Variants in TGM6 observed in about 807,000 individuals in gnomAD.
TGM6 encodes transglutaminase 6.
A neutral mutation model predicts 77.5 loss-of-function variants in TGM6; 74 were observed. The ratio of observed to expected loss-of-function variants is 0.96; its 90% CI spans 0.79 to 1.16. TGM6 has a LOEUF of 1.16. Among genes scored for constraint, TGM6 ranks in the 50% most tolerant of loss-of-function variants. The pLI is 0.00. For synonymous variants in TGM6, 383 were observed against 378.9 expected (o/e 1.01, Z -0.12); for missense variants, 968 against 940.2 (o/e 1.03, Z -0.39).
At chr20:2,397,191 T>C (rs1229504448) in intron 4 of TGM6, among the ~76,000 whole-genome samples, 1 of 152,210 alleles carries the variant, frequency 6.6e-6, no homozygotes, top group Non-Finnish European at 1.5e-5. Context: ...GCTTACGTGA[T>C]ATTGTAGTTG....
intron 1 of TGM6, among the ~76,000 whole-genome samples, chr20:2,386,097 T>C (rs1023980336): frequency 6.6e-6 from 1 of 152,142 alleles, no homozygotes; most frequent in African/African-American, 2.4e-5. Context: ...TCTCCTCGCC[T>C]TGGGCTGCCG....
intron 9 of TGM6, among the ~76,000 whole-genome samples, chr20:2,406,831 C>CAAAAA (rs3050731): frequency 0.014 from 891 of 63,632 alleles, 109 homozygotes; most frequent in Non-Finnish European, 0.02. Context: ...CGAAACTCCT[C>CAAAAA]AAAAAAAAAA....
At chr20:2,419,428 A>G (rs2084841648) in intron 10 of TGM6, among the ~76,000 whole-genome samples, 1 of 152,222 alleles carries the variant, frequency 6.6e-6, no homozygotes, top group African/African-American at 2.4e-5. Context: ...CAAAGTCTAA[A>G]TCACAAAATA....
chr20:2,431,672 G>A (rs2084924848), intron 12 of TGM6, among the ~76,000 whole-genome samples: 1 of 152,224 alleles, frequency 6.6e-6, no homozygotes, highest in East Asian at 1.9e-4. Flanking sequence ...TCTTGTCCAA[G>A]GTCTGGGGGA....
chr20:2,394,706 G>A, intron 2 of TGM6, 81 bp downstream of exon 2: 2 of 1,460,126 alleles, frequency 1.4e-6, no homozygotes, highest in Admixed American at 2.0e-5. Flanking sequence ...AGACCTTGCA[G>A]TCAGCAGCTC....
intron 1 of TGM6, among the ~76,000 whole-genome samples, chr20:2,386,817 A>T (rs1446869716): frequency 1.3e-5 from 2 of 152,084 alleles, no homozygotes; most frequent in Non-Finnish European, 2.9e-5. Context: ...GAAGGGGGGA[A>T]ACCAGTGCAG....
At chr20:2,384,136 C>T (rs1426114500) in intron 1 of TGM6, among the ~76,000 whole-genome samples, 1 of 150,096 alleles carries the variant, frequency 6.7e-6, no homozygotes, top group African/African-American at 2.5e-5. Flanking sequence ...AATCCCTGTT[C>T]GTAGAGCTCA....
chr20:2,399,932 G>T (rs1395071874), intron 6 of TGM6, among the ~76,000 whole-genome samples, 194 bp downstream of exon 6: 1 of 152,186 alleles, frequency 6.6e-6, no homozygotes, highest in African/African-American at 2.4e-5. Flanking sequence ...TCTTGAAGGA[G>T]TCCTAGCTCC....
At chr20:2,385,538 G>T (rs2084588782) in intron 1 of TGM6, among the ~76,000 whole-genome samples, 1 of 152,150 alleles carries the variant, frequency 6.6e-6, no homozygotes, top group African/African-American at 2.4e-5. Context: ...GGGAGTGGGT[G>T]GTCAGTGGCC....
In TGM6 at chr20:2,403,418, G is replaced by C. The variant is rs142832802; in HGVS notation, c.1011G>C (p.Glu337Asp). ...DSMWNFHVWNESWFARQDLGP... is the reference protein window; with the variant it reads ...DSMWNFHVWNDSWFARQDLGP... ...GCAGGAATTTCCATGTCTGGAATGAGAGCTGGTTTGCCCGGCAGGACCTAG... is the reference window on the plus strand; with the variant it reads ...GCAGGAATTTCCATGTCTGGAATGACAGCTGGTTTGCCCGGCAGGACCTAG... The change falls in exon 8 of 13, where the codon GAG (glutamate) becomes GAC (aspartate). Residue 337 changes from glutamate to aspartate, a missense_variant. Transcript: ENST00000202625. 4 of 1,614,172 alleles carry C rather than the reference G, an allele frequency of 2.5e-6. No homozygotes were observed. Among genetic ancestry groups the C allele is most frequent in the Admixed American group, 1.7e-5 (1 of 60,028 alleles).
intron 1 of TGM6, among the ~76,000 whole-genome samples, chr20:2,382,466 A>G (rs563670595): frequency 7.2e-5 from 11 of 152,336 alleles, no homozygotes; most frequent in African/African-American, 2.6e-4. Flanking sequence ...TGCGAAGGTT[A>G]GTTTCTGAGG....
chr20:2,418,406 A>G (rs2084833250), intron 10 of TGM6, among the ~76,000 whole-genome samples: 1 of 152,230 alleles, frequency 6.6e-6, no homozygotes, highest in African/African-American at 2.4e-5. Context: ...TGCTAGCTCC[A>G]TCTTTGAAAG....
chr20:2,392,505 C>T (rs758463465), intron 1 of TGM6, among the ~76,000 whole-genome samples: 14 of 152,178 alleles, frequency 9.2e-5, no homozygotes, highest in Non-Finnish European at 1.8e-4. Context: ...TAATAAGTAA[C>T]GATGATTGAG....
At chr20:2,413,023 C>T (rs2122397690) in intron 9 of TGM6, among the ~76,000 whole-genome samples, 1 of 152,256 alleles carries the variant, frequency 6.6e-6, no homozygotes, top group South Asian at 2.1e-4. Flanking sequence ...AAATTAGCAA[C>T]CTGATCATAA....
chr20:2,424,587 C>G (rs2084876092), intron 10 of TGM6, among the ~76,000 whole-genome samples: 1 of 152,194 alleles, frequency 6.6e-6, no homozygotes, highest in African/African-American at 2.4e-5. Context: ...CTAAAACTTT[C>G]TCCATATTAG....
chr20:2,404,242 T>A (rs1429840298), intron 9 of TGM6, among the ~76,000 whole-genome samples: 1 of 152,200 alleles, frequency 6.6e-6, no homozygotes, highest in Non-Finnish European at 1.5e-5. Context: ...CTGTTTAGCA[T>A]CTGCCAGGGC....
At position 2,396,575 on chromosome 20, in the gene TGM6, TC is replaced by T; in HGVS notation, c.496del (p.Arg166GlufsTer22). ...EYVLSDSGII[F>X]RGVEKHIRAQ... ...GTGCTCAGCGACAGCGGCATCATCTTCCGAGGCGTGGAGAAGCACATACGAG... is the reference window on the plus strand; with the variant it reads ...GTGCTCAGCGACAGCGGCATCATCTTCGAGGCGTGGAGAAGCACATACGAG... On this transcript the variant is annotated frameshift_variant, in exon 4 of 13. Coordinates refer to ENST00000202625, the MANE Select transcript of TGM6 (RefSeq NM_198994.3). LOFTEE classifies it high-confidence loss of function. 5.6e-6 allele frequency: 9 copies of T among 1,614,180 alleles called. No individual in the cohort carries two copies. The highest frequency in any genetic ancestry group is 7.6e-6 in the Non-Finnish European group (9 of 1,180,030).
At chr20:2,406,742 G>A (rs1202955108) in intron 9 of TGM6, among the ~76,000 whole-genome samples, 1 of 146,666 alleles carries the variant, frequency 6.8e-6, no homozygotes, top group Non-Finnish European at 1.5e-5. Context: ...GGCTGAGGCA[G>A]GAGAATTGCT....
At chr20:2,431,787 A>G (rs1381584791) in intron 12 of TGM6, among the ~76,000 whole-genome samples, 1 of 152,254 alleles carries the variant, frequency 6.6e-6, no homozygotes, top group African/African-American at 2.4e-5. Flanking sequence ...GGTATCAAGA[A>G]GTAAGGACGG....
Sources: gnomAD v4.1 joint callset for allele counts (sites outside exome capture counted in the v4.1 genomes callset) on GRCh38, gnomAD v4.1.1 for gene constraint, MANE v1.5 for transcripts, NCBI Gene and HGNC (gene_info 2026-07-23, HGNC 2026-07-21) for gene names.